SLCO3A1: variants seen among roughly 807,000 people sequenced by gnomAD.
SLCO3A1 encodes the protein solute carrier organic anion transporter family member 3A1.
SLCO3A1 carries 27 observed loss-of-function variants against 63.1 expected under a neutral mutation model. The ratio of observed to expected loss-of-function variants is 0.43; its 90% confidence interval spans 0.32 to 0.59. SLCO3A1 has a LOEUF of 0.59. Ranked by LOEUF, SLCO3A1 falls within the 20% of genes least tolerant of loss-of-function variation. The pLI is 0.09. For missense variants in SLCO3A1, 773 were observed against 945.8 expected, an observed-to-expected ratio of 0.82 and a Z score of 2.40; for synonymous variants, 473 against 409.9, an observed-to-expected ratio of 1.15 and a Z score of -1.86.
At chr15:91,937,736 T>C (rs1444479088) in intron 2 of SLCO3A1, among the ~76,000 whole-genome samples, 5 of 133,150 alleles carry the variant, frequency 3.8e-5, no homozygotes, top group Non-Finnish European at 8.2e-5. Flanking sequence ...AAAAAAAAAG[T>C]GGGAGTGAGG....
At chr15:92,042,023 G>A (rs1270097814) in intron 2 of SLCO3A1, among the ~76,000 whole-genome samples, 1 of 152,120 alleles carries the variant, frequency 6.6e-6, no homozygotes, top group Non-Finnish European at 1.5e-5. Context: ...TCCAAAGAGT[G>A]GGTGGAAGCA....
intron 2 of SLCO3A1, among the ~76,000 whole-genome samples, chr15:91,969,275 G>A (rs1376776010): frequency 1.3e-5 from 2 of 151,886 alleles, no homozygotes; most frequent in Non-Finnish European, 2.9e-5. Flanking sequence ...TGTTGTTGTG[G>A]AGTAAAATTT....
intron 2 of SLCO3A1, among the ~76,000 whole-genome samples, chr15:91,961,812 C>T (rs1038590891): frequency 1.3e-5 from 2 of 152,232 alleles, no homozygotes; most frequent in African/African-American, 4.8e-5. Flanking sequence ...AGAATGCCAG[C>T]TCTATGAGAG....
intron 2 of SLCO3A1, among the ~76,000 whole-genome samples, chr15:92,025,166 CTTT>C (rs11413999): frequency 6.2e-5 from 8 of 129,026 alleles, no homozygotes; most frequent in East Asian, 2.2e-4. Context: ...TTAGGTTGTC[CTTT>C]TTTTTTTTTT....
chr15:92,046,635 G>C (rs527526172), intron 2 of SLCO3A1, among the ~76,000 whole-genome samples: 1 of 152,020 alleles, frequency 6.6e-6, no homozygotes. Context: ...CTTGTCCAAG[G>C]CTGCAGTTTT....
intron 1 of SLCO3A1, among the ~76,000 whole-genome samples, chr15:91,911,846 C>T (rs960741783): frequency 4.6e-5 from 7 of 152,000 alleles, no homozygotes; most frequent in Non-Finnish European, 1.0e-4. Flanking sequence ...AGGATAGTCT[C>T]GATCTCTTGA....
At chr15:91,936,927 T>G (rs979039236) in intron 2 of SLCO3A1, among the ~76,000 whole-genome samples, 1 of 152,242 alleles carries the variant, frequency 6.6e-6, no homozygotes, top group Non-Finnish European at 1.5e-5. Flanking sequence ...ACTGTGATTA[T>G]GGGGCACATA....
intron 1 of SLCO3A1, among the ~76,000 whole-genome samples, chr15:91,881,946 CTT>C (rs1310617779): frequency 1.3e-5 from 2 of 152,174 alleles, no homozygotes; most frequent in Non-Finnish European, 2.9e-5. Flanking sequence ...CTTCGGGTCT[CTT>C]TTACAATTGA....
intron 2 of SLCO3A1, among the ~76,000 whole-genome samples, chr15:92,080,145 A>T (rs979035012): frequency 6.6e-6 from 1 of 152,286 alleles, no homozygotes. Context: ...CCAACTGCAG[A>T]TCCTCCCCGA....
intron 1 of SLCO3A1, among the ~76,000 whole-genome samples, chr15:91,913,536 G>T (rs541797666): frequency 6.6e-6 from 1 of 152,338 alleles, no homozygotes; most frequent in African/African-American, 2.4e-5. Flanking sequence ...GGCTCAAGGA[G>T]TTTGTTTAAA....
intron 2 of SLCO3A1, among the ~76,000 whole-genome samples, chr15:91,929,769 C>T (rs866844892): frequency 6.6e-6 from 1 of 152,154 alleles, no homozygotes; most frequent in South Asian, 2.1e-4. Context: ...ACTCTAAGTG[C>T]CTCAGATAAG....
intron 2 of SLCO3A1, among the ~76,000 whole-genome samples, chr15:92,008,881 G>A (rs908556417): frequency 1.3e-5 from 2 of 152,182 alleles, no homozygotes; most frequent in Non-Finnish European, 2.9e-5. Context: ...CAAAAAGGCA[G>A]ATCAACGCCC....
At chr15:92,113,967 G>C (rs1412145748) in intron 4 of SLCO3A1, among the ~76,000 whole-genome samples, 2 of 152,128 alleles carry the variant, frequency 1.3e-5, no homozygotes, top group Non-Finnish European at 2.9e-5. Flanking sequence ...GTAGAGAAGG[G>C]GTCCAAGCAT....
At chr15:92,157,828 C>T (rs1016702257) in intron 9 of SLCO3A1, among the ~76,000 whole-genome samples, 2 of 152,152 alleles carry the variant, frequency 1.3e-5, no homozygotes, top group Non-Finnish European at 2.9e-5. Flanking sequence ...CAAATGGCAT[C>T]CCATTGATTC....
At chr15:91,943,605 T>C (rs1331412297) in intron 2 of SLCO3A1, among the ~76,000 whole-genome samples, 2 of 152,194 alleles carry the variant, frequency 1.3e-5, no homozygotes, top group Non-Finnish European at 2.9e-5. Context: ...CACCCAGAAA[T>C]GGAAATGCTG....
intron 2 of SLCO3A1, among the ~76,000 whole-genome samples, chr15:92,035,485 G>C (rs995247278): frequency 2.0e-5 from 3 of 151,742 alleles, no homozygotes; most frequent in African/African-American, 7.2e-5. Context: ...TGGGCAGATA[G>C]AGTGATCTAA....
chr15:92,006,812 T>G (rs1380323578), intron 2 of SLCO3A1, among the ~76,000 whole-genome samples: 1 of 152,238 alleles, frequency 6.6e-6, no homozygotes, highest in African/African-American at 2.4e-5. Flanking sequence ...GCTTCTTCAT[T>G]AAGCTACCAC....
chr15:91,925,487 T>G (rs904278295), intron 2 of SLCO3A1, among the ~76,000 whole-genome samples: 2 of 151,970 alleles, frequency 1.3e-5, no homozygotes, highest in African/African-American at 2.4e-5. Flanking sequence ...TTTTTTTTTT[T>G]TTTTTTAACT....
rs1486397618 is a variant in SLCO3A1, at chr15:92,047,493, AAAT to A, written c.647-47386_647-47384del. On this transcript the variant is annotated intron_variant, in intron 2 of 9. Coordinates refer to ENST00000318445, the MANE Select transcript of SLCO3A1 (RefSeq NM_013272.4). The stretch of plus-strand genomic sequence containing the variant: ...TATAAATATATATAAATATATATAT[AAAT>A]ATATATAAATATATATAAATACATA... 1.2e-3 allele frequency among the ~76,000 whole-genome samples: 17 copies of A among 14,618 alleles called. 2 individuals are homozygous for A. The East Asian group carries it at 0.019, about 16-fold the overall frequency. 9.6% of individuals were successfully genotyped at this position (14,618 alleles called of 152,430 possible).
Sources: gnomAD v4.1 joint callset for allele counts (sites outside exome capture counted in the v4.1 genomes callset) on GRCh38, gnomAD v4.1.1 for gene constraint, MANE v1.5 for transcripts, NCBI Gene and HGNC (gene_info 2026-07-23, HGNC 2026-07-21) for gene names.